Variants in SAMD4B observed in about 807,000 individuals in gnomAD.
SAMD4B encodes sterile alpha motif domain containing 4B.
In SAMD4B, 5 loss-of-function variants were observed where a neutral mutation model predicts 74.5. The observed-to-expected ratio is 0.07, with a 90% CI of 0.04 to 0.14. SAMD4B has a LOEUF of 0.14. Ranked by LOEUF, SAMD4B falls within the 10% of genes least tolerant of loss-of-function variation. SAMD4B has a pLI of 1.00. For synonymous variants in SAMD4B, 373 were observed against 374.9 expected, an observed-to-expected ratio of 1.00 and a Z score of 0.06; for missense variants, 608 against 921.8, an observed-to-expected ratio of 0.66 and a Z score of 4.41.
chr19:39,378,518 C>T lies in SAMD4B; in HGVS notation c.1459C>T (p.Leu487=), dbSNP rs1401116132. ...TGTCCCCCCAGTGTGCACCCAACTG[C>T]TGGTGTCCCGACCAGACGAGGAGAA... ...RVMGKVCTQL[L]VSRPDEENIT... The change falls in exon 9 of 14, where the codon CTG becomes TTG. Residue 487 remains leucine (L), a synonymous_variant. Coordinates refer to ENST00000610417, the MANE Select transcript of SAMD4B (RefSeq NM_001384574.2). The surrounding 1 kb of genome is among the most constrained non-coding windows in gnomAD (Gnocchi z 4.4). The T allele has an allele frequency of 6.2e-7, 1 of 1,614,022 alleles. No homozygotes were observed. The highest frequency in any genetic ancestry group is 8.5e-7 in the Non-Finnish European group (1 of 1,179,934).
chr19:39,350,502 T>A (rs1005920729), intron 1 of SAMD4B: 1 of 152,322 alleles, frequency 6.6e-6, no homozygotes, highest in African/African-American at 2.4e-5. Context: ...GTTTTTGTTT[T>A]TGTTTTGAGA....
intron 4 of SAMD4B, among the ~76,000 whole-genome samples, chr19:39,373,017 A>G (rs1254832361): frequency 1.3e-5 from 2 of 152,168 alleles, no homozygotes; most frequent in African/African-American, 4.8e-5. Flanking sequence ...CTTCCTAGCC[A>G]GGAGCATTAG....
intron 4 of SAMD4B, among the ~76,000 whole-genome samples, chr19:39,374,828 A>G (rs2077511272): frequency 1.3e-5 from 2 of 152,236 alleles, no homozygotes; most frequent in African/African-American, 4.8e-5. Context: ...TGACAGAGCA[A>G]GACTCCATCT....
At chr19:39,389,940 T>C, downstream of SAMD4B, 3 of 1,057,176 alleles carry the variant, frequency 2.8e-6, no homozygotes, top group Non-Finnish European at 4.3e-6. This position sits in a 1 kb window ranked among gnomAD's most constrained non-coding sequence, Gnocchi z 5.3. Flanking sequence ...CATTAACAAT[T>C]GAGCAGCTAC....
At chr19:39,359,631 C>T (rs747815957) in intron 3 of SAMD4B, among the ~76,000 whole-genome samples, 2 of 152,176 alleles carry the variant, frequency 1.3e-5, no homozygotes, top group African/African-American at 2.4e-5. Flanking sequence ...TCTGTACTCC[C>T]CTGTTACTCC....
chr19:39,380,173 G>T lies in SAMD4B; in HGVS notation c.1649+89G>T, dbSNP rs372070731. 102 of 976,332 alleles carry T rather than the reference G, an allele frequency of 1.0e-4. 2 individuals carry two copies. In the South Asian group the frequency reaches 1.5e-3, roughly 14 times the overall value. The allele number at this position is 976,332 out of a possible 1,614,324, so 60.5% of individuals were successfully genotyped here. ...GCTTAGAGGGGTGATTGTGTTCTGGGCTGAGAATCTAGTTTTATTCAGTCA... is the reference window on the plus strand; with the variant it reads ...GCTTAGAGGGGTGATTGTGTTCTGGTCTGAGAATCTAGTTTTATTCAGTCA... On this transcript the variant is annotated intron_variant, in intron 10 of 13. Coordinates refer to ENST00000610417, the MANE Select transcript of SAMD4B (RefSeq NM_001384574.2).
downstream of SAMD4B, chr19:39,388,981 G>A (rs751010774): frequency 1.1e-5 from 17 of 1,613,984 alleles, no homozygotes; most frequent in South Asian, 1.1e-4. Context: ...GACCTCCACC[G>A]GTGTGACTCG....
At chr19:39,369,032 T>C (rs147237265) in intron 3 of SAMD4B, 166 of 152,972 alleles carry the variant, frequency 1.1e-3, no homozygotes, top group Non-Finnish European at 2.1e-3. Context: ...AGATAAAGCA[T>C]GAGAGCAGGC....
chr19:39,364,309 A>G (rs963034890), intron 3 of SAMD4B, among the ~76,000 whole-genome samples: 2 of 152,292 alleles, frequency 1.3e-5, no homozygotes, highest in Admixed American at 6.5e-5. Context: ...GGCCTAAACA[A>G]CAGCGATTGA....
At chr19:39,390,160 A>T, downstream of SAMD4B, 1 of 1,613,768 alleles carries the variant, frequency 6.2e-7, no homozygotes, top group East Asian at 2.2e-5. Flanking sequence ...ACCACTCCAG[A>T]CCTAGGAACA....
intron 11 of SAMD4B, 57 bp from the exon 12 acceptor site, chr19:39,380,933 C>G (rs535745496): frequency 1.9e-6 from 3 of 1,553,516 alleles, no homozygotes; most frequent in Non-Finnish European, 2.6e-6. Flanking sequence ...CTCCACCACT[C>G]TTGGGTCTGG....
chr19:39,353,249 A>T (rs747202568), intron 1 of SAMD4B, among the ~76,000 whole-genome samples: 10 of 152,134 alleles, frequency 6.6e-5, no homozygotes, highest in Non-Finnish European at 1.5e-4. Flanking sequence ...ACTCTTTCTC[A>T]CTGAGTCAGG....
chr19:39,356,799 C>T lies in SAMD4B; in HGVS notation c.-95C>T, dbSNP rs954287308. On this transcript the variant is annotated 5_prime_UTR_variant, in exon 3 of 14. Transcript: ENST00000610417. ...AGAAACGTCCTTAAGCCCTGGCCCT[C>T]AGGGGAAAGGTAACAGGAGGCCAGA... 2.4e-5 allele frequency: 26 copies of T among 1,096,290 alleles called. No homozygotes were observed. Among genetic ancestry groups the T allele is most frequent in the Admixed American group, 5.7e-5 (2 of 35,038 alleles). The allele number at this position is 1,096,290 out of a possible 1,614,324, so 67.9% of individuals were successfully genotyped here.
rs530168614 is a variant in SAMD4B at position 39,358,558 on chromosome 19, C to T, written c.196+1469C>T. On this transcript the variant is annotated intron_variant, in intron 3 of 13. Coordinates refer to ENST00000610417, the MANE Select transcript of SAMD4B (RefSeq NM_001384574.2). The stretch of plus-strand genomic sequence containing the variant: ...AGCCACCGCACCCAGCCAGTTTCCT[C>T]ATCTTAAATTCAACATGATATCCTG... Among the ~76,000 whole-genome samples, 17 of 150,884 alleles carry T rather than the reference C, an allele frequency of 1.1e-4. No individual in the cohort carries two copies. The East Asian group carries it at 3.1e-3, about 28-fold the overall frequency.
chr19:39,356,168 C>T (rs927665956), intron 2 of SAMD4B, among the ~76,000 whole-genome samples: 2 of 152,166 alleles, frequency 1.3e-5, no homozygotes, highest in Admixed American at 6.6e-5. Context: ...CCATCCTCTA[C>T]CCAGCATTGT....
chr19:39,375,941 C>A lies in SAMD4B; in HGVS notation c.907+52C>A. On this transcript the variant is annotated intron_variant, in intron 5 of 13. Coordinates refer to ENST00000610417, the MANE Select transcript of SAMD4B (RefSeq NM_001384574.2). This position sits in a 1 kb window ranked among gnomAD's most constrained non-coding sequence, Gnocchi z 4.1. ...CCCTTTTCCAGGGGCTTCTGCAGAG[C>A]TTAGAGGACAGAAAGGAGCTTGTAG... 2 of 1,577,682 alleles carry A rather than the reference C, an allele frequency of 1.3e-6. No individual in the cohort carries two copies. The highest frequency in any genetic ancestry group is 8.6e-7 in the Non-Finnish European group (1 of 1,165,114).
At chr19:39,343,245 G>T (rs901379241) in intron 1 of SAMD4B, among the ~76,000 whole-genome samples, 1 of 150,090 alleles carries the variant, frequency 6.7e-6, no homozygotes, top group African/African-American at 2.5e-5. Flanking sequence ...CGGATCCTAA[G>T]AATTTTCCCT....
intron 3 of SAMD4B, among the ~76,000 whole-genome samples, chr19:39,359,744 T>G (rs1411871182): frequency 6.6e-6 from 1 of 152,338 alleles, no homozygotes; most frequent in East Asian, 1.9e-4. Context: ...CAGAGTTCTT[T>G]AGAGCTCTTG....
At position 39,375,848 on chromosome 19, in the gene SAMD4B, C is replaced by T. The variant is rs1156266667; in HGVS notation, c.866C>T (p.Ser289Phe). Residue 289 changes from serine (S) to phenylalanine (F), a missense_variant, in exon 5 of 14, where the codon TCC becomes TTC. Coordinates refer to ENST00000610417, the MANE Select transcript of SAMD4B (RefSeq NM_001384574.2). This position sits in a 1 kb window ranked among gnomAD's most constrained non-coding sequence, Gnocchi z 4.1. ...AGTGAGCAGACAGAGGAGCAGGGCTCCAGCCGGAACACCTTCCAGGAGGAT... is the reference window on the plus strand; with the variant it reads ...AGTGAGCAGACAGAGGAGCAGGGCTTCAGCCGGAACACCTTCCAGGAGGAT... ...SGSEQTEEQG[S>F]SRNTFQEDGS... is the part of the protein sequence containing the mutation. 6.2e-7 allele frequency: 1 copy of T among 1,612,064 alleles called. No homozygotes were observed. Among genetic ancestry groups the T allele is most frequent in the Non-Finnish European group, 8.5e-7 (1 of 1,179,966 alleles).
Sources: gnomAD v4.1 joint callset for allele counts (sites outside exome capture counted in the v4.1 genomes callset) on GRCh38, gnomAD v4.1.1 for gene constraint, Gnocchi (gnomAD v3.1) non-coding constraint, MANE v1.5 for transcripts, NCBI Gene and HGNC (gene_info 2026-07-23, HGNC 2026-07-21) for gene names.